C1orf87: variants seen among roughly 807,000 people sequenced by gnomAD.
The protein encoded by C1orf87 is chromosome 1 open reading frame 87.
C1orf87 carries 58 observed loss-of-function variants against 60.5 expected under a neutral mutation model. The ratio of observed to expected loss-of-function variants is 0.96; its 90% CI spans 0.78 to 1.19. The LOEUF (loss-of-function observed/expected upper bound fraction) is 1.19, where lower values mean the gene tolerates loss of function less well. Ranked by LOEUF, C1orf87 falls within the 50% of genes most tolerant of loss-of-function variation. C1orf87 has a pLI of 0.00. For synonymous variants in C1orf87, 236 were observed against 227.4 expected (o/e 1.04, Z -0.34); for missense variants, 673 against 638.6 (o/e 1.05, Z -0.58).
intron 7 of C1orf87, among the ~76,000 whole-genome samples, chr1:60,032,607 T>G (rs1272798169): frequency 6.6e-6 from 1 of 151,736 alleles, no homozygotes; most frequent in African/African-American, 2.4e-5. Flanking sequence ...CTGGCTAATT[T>G]TTTTTGTATT....
intron 2 of C1orf87, among the ~76,000 whole-genome samples, chr1:60,055,647 T>C (rs1409348112): frequency 6.6e-6 from 1 of 152,192 alleles, no homozygotes; most frequent in Non-Finnish European, 1.5e-5. Context: ...CTTTATCTTT[T>C]TCCTTACCCT....
intron 3 of C1orf87, among the ~76,000 whole-genome samples, chr1:60,045,347 T>A (rs2100303804): frequency 6.6e-6 from 1 of 152,318 alleles, no homozygotes; most frequent in Admixed American, 6.5e-5. Flanking sequence ...ATTTCCAAAT[T>A]AATATTATAT....
At chr1:59,993,346 G>A (rs543146928) in intron 11 of C1orf87, among the ~76,000 whole-genome samples, 1 of 152,126 alleles carries the variant, frequency 6.6e-6, no homozygotes, top group South Asian at 2.1e-4. Context: ...AAAATATTAA[G>A]TTCACACAGT....
chr1:60,008,676 G>A, intron 9 of C1orf87: 1 of 456,116 alleles, frequency 2.2e-6, no homozygotes, highest in Non-Finnish European at 4.4e-6. Flanking sequence ...CTGCTATAAT[G>A]TTTTTCAGCA....
rs1399272359 is a variant in C1orf87, at chr1:60,033,616, G to A, written c.889C>T (p.Gln297Ter). Residue 297 changes from glutamine to a stop codon, truncating the protein, a stop_gained, in exon 7 of 12, where the codon CAG (glutamine) becomes TAG (stop). Transcript: ENST00000371201. LOFTEE classifies it high-confidence loss of function. ...QSTPPQHSSS[Q>*]PEVNRSLLEI... ...AACAGACTCCTGTTCACTTCTGGCT[G>A]TGAGCTGGAGTGCTGAGGTGGAGTG... 6.2e-7 allele frequency: 1 copy of A among 1,612,938 alleles called. No individual in the cohort carries two copies. The highest frequency in any genetic ancestry group is 8.5e-7 in the Non-Finnish European group (1 of 1,179,460).
At chr1:60,066,735 G>C (rs1645548986) in intron 2 of C1orf87, among the ~76,000 whole-genome samples, 1 of 151,644 alleles carries the variant, frequency 6.6e-6, no homozygotes, top group African/African-American at 2.4e-5. Context: ...GTGCAGGTTT[G>C]TTATATAGGT....
intron 3 of C1orf87, among the ~76,000 whole-genome samples, chr1:60,046,842 C>T (rs760685239): frequency 1.4e-4 from 21 of 152,196 alleles, no homozygotes; most frequent in Non-Finnish European, 2.2e-4. Context: ...TAGAGTTTTA[C>T]ACAGTCTGCA....
chr1:60,044,887 C>G (rs893725482), intron 3 of C1orf87, among the ~76,000 whole-genome samples: 1 of 152,162 alleles, frequency 6.6e-6, no homozygotes, highest in Non-Finnish European at 1.5e-5. Context: ...TGACTTCAAT[C>G]AATCCTAGTT....
chr1:59,991,856 T>C (rs921567586), intron 11 of C1orf87, among the ~76,000 whole-genome samples: 3 of 151,992 alleles, frequency 2.0e-5, no homozygotes, highest in Admixed American at 2.0e-4. Context: ...TCACTGAAGA[T>C]CAATAACTCA....
At chr1:60,029,130 G>A (rs530370873) in intron 7 of C1orf87, among the ~76,000 whole-genome samples, 1 of 152,134 alleles carries the variant, frequency 6.6e-6, no homozygotes, top group South Asian at 2.1e-4. Flanking sequence ...CTATCTCAGA[G>A]AATGGCACCA....
chr1:60,014,626 TC>T (rs1645112813), intron 8 of C1orf87, among the ~76,000 whole-genome samples: 1 of 152,170 alleles, frequency 6.6e-6, no homozygotes, highest in Admixed American at 6.5e-5. Context: ...GAAGGTAATT[TC>T]AGCTGGTATG....
chr1:60,044,171 A>T (rs552663490), intron 3 of C1orf87, among the ~76,000 whole-genome samples: 8 of 152,282 alleles, frequency 5.3e-5, no homozygotes, highest in African/African-American at 1.9e-4. Flanking sequence ...CTGGGACTAC[A>T]GGCGCCCGCC....
chr1:60,048,114 T>G (rs1645386347), intron 3 of C1orf87, among the ~76,000 whole-genome samples: 1 of 152,198 alleles, frequency 6.6e-6, no homozygotes, highest in South Asian at 2.1e-4. Context: ...GAAGTGATGG[T>G]ACGTCACTTC....
intron 2 of C1orf87, among the ~76,000 whole-genome samples, chr1:60,055,835 T>G (rs1454608501): frequency 6.6e-6 from 1 of 152,000 alleles, no homozygotes; most frequent in Admixed American, 6.6e-5. Context: ...TCTATGCCTC[T>G]CCCCTTGAGA....
intron 7 of C1orf87, among the ~76,000 whole-genome samples, chr1:60,028,423 C>T (rs1645214503): frequency 6.6e-6 from 1 of 152,144 alleles, no homozygotes; most frequent in African/African-American, 2.4e-5. Context: ...CAGAAAATCA[C>T]AGCAATTCCA....
chr1:59,991,131 T>A (rs1427910250), intron 11 of C1orf87, among the ~76,000 whole-genome samples: 1 of 152,236 alleles, frequency 6.6e-6, no homozygotes, highest in Non-Finnish European at 1.5e-5. Flanking sequence ...TTAAAACTTG[T>A]AAGGCCAATT....
intron 11 of C1orf87, among the ~76,000 whole-genome samples, chr1:59,996,354 TTC>T (rs1476311415): frequency 6.6e-6 from 1 of 152,164 alleles, no homozygotes; most frequent in African/African-American, 2.4e-5. Context: ...CTAGACTTCA[TTC>T]TCTCTCTCCT....
chr1:60,040,409 A>G (rs1020815332), intron 4 of C1orf87, among the ~76,000 whole-genome samples: 1 of 152,240 alleles, frequency 6.6e-6, no homozygotes, highest in Non-Finnish European at 1.5e-5. Flanking sequence ...CCTAGAGTAC[A>G]TGGTCTGGTA....
At chr1:60,017,416 C>A (rs890795599) in intron 8 of C1orf87, among the ~76,000 whole-genome samples, 13 of 152,148 alleles carry the variant, frequency 8.5e-5, no homozygotes, top group African/African-American at 3.1e-4. Flanking sequence ...CAGTAATGGA[C>A]CAGATGTGTA....
Sources: allele counts gnomAD v4.1 joint callset (sites outside exome capture counted in the v4.1 genomes callset), GRCh38; gene constraint gnomAD v4.1.1; transcripts MANE v1.5; gene names NCBI Gene and HGNC (gene_info 2026-07-23, HGNC 2026-07-21).